The following ARMC3 variants were observed in gnomAD, a reference collection of about 807,000 sequenced individuals.
ARMC3 encodes armadillo repeat-containing protein 3.
In ARMC3, 74 loss-of-function variants were observed where a neutral mutation model predicts 90.3. That is an observed-to-expected ratio of 0.82 (90% CI 0.68 to 0.99). ARMC3 has a LOEUF of 0.99. Among genes scored for constraint, ARMC3 ranks in the 50% least tolerant of loss-of-function variants. The probability of loss-of-function intolerance (pLI) is 0.00; values close to 1 mark genes in which losing one functional copy is unlikely to be tolerated. For synonymous variants in ARMC3, 334 were observed against 361.8 expected (o/e 0.92, Z 0.87); for missense variants, 958 against 1,042.8 (o/e 0.92, Z 1.12).
At chr10:22,932,077 TA>T (rs976581816) in intron 2 of ARMC3, 33 bp downstream of exon 2, 1 of 1,542,840 alleles carries the variant, frequency 6.5e-7, no homozygotes, top group Non-Finnish European at 8.8e-7. Context: ...AGTAGCACTT[TA>T]ACAACCAGTT....
intron 18 of ARMC3, among the ~76,000 whole-genome samples, chr10:23,035,339 CAT>C (rs1203463244): frequency 6.6e-6 from 1 of 152,166 alleles, no homozygotes; most frequent in Non-Finnish European, 1.5e-5. Flanking sequence ...AGGGCTTCAA[CAT>C]ATGAATTTGG....
rs1253629805 is a variant in ARMC3 at position 22,946,190 on chromosome 10, T to C, written c.95T>C (p.Leu32Ser). 6.2e-7 allele frequency: 1 copy of C among 1,613,162 alleles called. No homozygotes were observed. The highest frequency in any genetic ancestry group is 1.3e-5 in the African/African-American group (1 of 74,924). Residue 32 changes from leucine (L) to serine (S), a missense_variant, in exon 3 of 19, where the codon TTA (leucine) becomes TCA (serine). By Grantham distance (145) the Leu-to-Ser change is moderately radical (BLOSUM62 -2). Coordinates refer to ENST00000298032, the MANE Select transcript of ARMC3 (RefSeq NM_173081.5). ...AGCAAAAAAGCAGCAACTGTGGTGT[T>C]AATGCTTAATTCTCCAGAAGAGGAA... ...IESKKAATVV[L>S]MLNSPEEEIL...
chr10:22,968,045 C>G (rs1835514206), intron 7 of ARMC3, among the ~76,000 whole-genome samples: 1 of 152,216 alleles, frequency 6.6e-6, no homozygotes, highest in Admixed American at 6.5e-5. Context: ...ACTTCATTGA[C>G]TACCATTTCT....
At chr10:22,968,873 T>C (rs1244389671) in intron 8 of ARMC3, among the ~76,000 whole-genome samples, 1 of 152,244 alleles carries the variant, frequency 6.6e-6, no homozygotes. Flanking sequence ...AGCATTTGTC[T>C]GCTTTTAAAA....
intron 13 of ARMC3, among the ~76,000 whole-genome samples, chr10:23,004,827 C>CAA: frequency 6.6e-6 from 1 of 152,302 alleles, no homozygotes; most frequent in Middle Eastern, 3.4e-3. Flanking sequence ...ATAACACACA[C>CAA]AAACCACTGA....
intron 16 of ARMC3, among the ~76,000 whole-genome samples, chr10:23,029,243 T>C (rs1838825924): frequency 6.6e-6 from 1 of 152,240 alleles, no homozygotes; most frequent in Non-Finnish European, 1.5e-5. Flanking sequence ...TTCCAGTTAC[T>C]GGGCTAAGTT....
At chr10:22,948,556 T>TA in intron 3 of ARMC3, among the ~76,000 whole-genome samples, 1 of 152,054 alleles carries the variant, frequency 6.6e-6, no homozygotes, top group Middle Eastern at 3.2e-3. Context: ...AGAGTAGACT[T>TA]ACTCTATTGG....
intron 3 of ARMC3, among the ~76,000 whole-genome samples, chr10:22,949,272 T>A (rs1238506020): frequency 3.3e-5 from 5 of 151,862 alleles, no homozygotes; most frequent in Non-Finnish European, 7.4e-5. Flanking sequence ...TTACCAGGCA[T>A]GAAAAAAAGC....
chr10:22,958,149 T>A (rs1284118758), intron 4 of ARMC3, among the ~76,000 whole-genome samples: 1 of 152,186 alleles, frequency 6.6e-6, no homozygotes, highest in Non-Finnish European at 1.5e-5. Flanking sequence ...AAGCATTAGT[T>A]TATTTGCCCC....
In ARMC3 at chr10:23,013,601, T is replaced by G. The variant is rs78743031; in HGVS notation, c.2045+4670T>G. Among the ~76,000 whole-genome samples, 11 of 152,360 alleles carry G rather than the reference T, an allele frequency of 7.2e-5. No homozygotes were observed. The East Asian group carries it at 2.1e-3, about 29-fold the overall frequency. On this transcript the variant is annotated intron_variant, in intron 16 of 18. Coordinates refer to ENST00000298032, the MANE Select transcript of ARMC3 (RefSeq NM_173081.5). ...CTGTCACCTCAGAGTTCTCTTTCAT[T>G]TTTTGTAGTTTCATGGTGAGAACAT...
intron 15 of ARMC3, 130 bp from the exon 16 acceptor site, chr10:23,008,685 A>G: frequency 1.3e-6 from 1 of 791,968 alleles, no homozygotes. Context: ...GGGGAAAGGA[A>G]TCAAGTTATA....
At chr10:22,947,447 A>T (rs1834576618) in intron 3 of ARMC3, among the ~76,000 whole-genome samples, 1 of 152,176 alleles carries the variant, frequency 6.6e-6, no homozygotes, top group Non-Finnish European at 1.5e-5. Context: ...AAAATCTATA[A>T]CCCCAGTTTA....
chr10:22,954,625 T>C (rs560408929), intron 3 of ARMC3, among the ~76,000 whole-genome samples: 82 of 143,752 alleles, frequency 5.7e-4, no homozygotes, highest in Admixed American at 2.7e-3. Flanking sequence ...AGAGCCATGA[T>C]CACACCACTG....
In ARMC3 at chr10:22,968,214, G is replaced by A. The variant is rs896364319; in HGVS notation, c.733-92G>A. ...GTCACAACAAAAATCATGACATTGT[G>A]TTCTGACTGACTTTATTTCCTCTTG... On this transcript the variant is annotated intron_variant, in intron 7 of 18. Coordinates refer to ENST00000298032, the MANE Select transcript of ARMC3 (RefSeq NM_173081.5). 14 of 1,201,950 alleles carry A rather than the reference G, an allele frequency of 1.2e-5. No homozygotes were observed. In the African/African-American group the frequency reaches 2.0e-4, roughly 17 times the overall value. 74.5% of individuals were successfully genotyped at this position (1,201,950 alleles called of 1,614,324 possible). A position where few individuals can be genotyped will look rare whatever the true frequency, so the allele number is the denominator to read the frequency against.
intron 16 of ARMC3, among the ~76,000 whole-genome samples, chr10:23,021,543 G>A (rs1838515572): frequency 2.0e-5 from 3 of 152,134 alleles, no homozygotes; most frequent in South Asian, 4.1e-4. Flanking sequence ...TCTCATTATG[G>A]TTTTGATTTG....
chr10:22,956,233 G>A (rs542123512), intron 4 of ARMC3, among the ~76,000 whole-genome samples: 2 of 152,316 alleles, frequency 1.3e-5, no homozygotes, highest in South Asian at 2.1e-4. Context: ...TTAGTGTAAT[G>A]TAATTTGCCT....
At chr10:22,950,717 A>C (rs1349289916) in intron 3 of ARMC3, among the ~76,000 whole-genome samples, 1 of 152,180 alleles carries the variant, frequency 6.6e-6, no homozygotes, top group Non-Finnish European at 1.5e-5. Context: ...AGAGTAAACC[A>C]CATGCCACCT....
At chr10:22,974,179 T>C (rs1835817074) in intron 8 of ARMC3, among the ~76,000 whole-genome samples, 1 of 152,222 alleles carries the variant, frequency 6.6e-6, no homozygotes, top group Non-Finnish European at 1.5e-5. Flanking sequence ...AAGATTACCA[T>C]GTATTATCAA....
intron 10 of ARMC3, among the ~76,000 whole-genome samples, chr10:22,996,530 T>C (rs1375063327): frequency 6.6e-6 from 1 of 152,174 alleles, no homozygotes; most frequent in Non-Finnish European, 1.5e-5. Context: ...GACTGGAGAA[T>C]GAGTAGAAAC....
Sources: allele counts gnomAD v4.1 joint callset (sites outside exome capture counted in the v4.1 genomes callset), GRCh38; gene constraint gnomAD v4.1.1; transcripts MANE v1.5; gene names NCBI Gene and HGNC (gene_info 2026-07-23, HGNC 2026-07-21).